GPHN: variants seen among roughly 807,000 people sequenced by gnomAD.
The protein encoded by GPHN is gephyrin.
Under a neutral mutation model 95.5 loss-of-function variants are expected in GPHN, and 17 were observed. That is an observed-to-expected ratio of 0.18 (90% CI 0.12 to 0.27). The LOEUF is 0.27. Among genes scored for constraint, GPHN ranks in the 10% least tolerant of loss-of-function variants. The probability of loss-of-function intolerance (pLI) is 1.00; values close to 1 mark genes in which losing one functional copy is unlikely to be tolerated. For missense variants in GPHN, 660 were observed against 978.1 expected, an observed-to-expected ratio of 0.67 and a Z score of 4.34; for synonymous variants, 320 against 322.5, an observed-to-expected ratio of 0.99 and a Z score of 0.08.
At chr14:67,139,427 A>C (rs2080317671) in intron 17 of GPHN, among the ~76,000 whole-genome samples, 1 of 152,126 alleles carries the variant, frequency 6.6e-6, no homozygotes, top group Non-Finnish European at 1.5e-5. Flanking sequence ...GATTCTGGAC[A>C]AGGGTCCGTT....
At chr14:67,732,733 C>T in the GPHN span, among the ~76,000 whole-genome samples, 3 of 152,040 alleles carry the variant, frequency 2.0e-5, no homozygotes, top group East Asian at 1.9e-4. Context: ...CCCACCACCA[C>T]ACCCGGCTAA....
intron 2 of GPHN, among the ~76,000 whole-genome samples, chr14:66,698,698 C>CA (rs1291930224): frequency 6.6e-6 from 1 of 152,140 alleles, no homozygotes; most frequent in East Asian, 1.9e-4. Flanking sequence ...ATATGTCACT[C>CA]AAAGCCAGAA....
At chr14:66,974,324 A>T (rs1350810244) in intron 9 of GPHN, among the ~76,000 whole-genome samples, 1 of 151,960 alleles carries the variant, frequency 6.6e-6, no homozygotes, top group African/African-American at 2.4e-5. Context: ...GGTATGTAGG[A>T]TTTTACCTCG....
chr14:67,397,128 G>A, the GPHN span, among the ~76,000 whole-genome samples: 2 of 152,054 alleles, frequency 1.3e-5, no homozygotes. Flanking sequence ...TAGTAGAGAT[G>A]GGGTTTCACC....
chr14:67,205,033 G>T, the GPHN span: 27 of 1,552,424 alleles, frequency 1.7e-5, no homozygotes, highest in African/African-American at 3.0e-4. Flanking sequence ...AAACTGCTCG[G>T]GAGTCACAGT....
intron 1 of GPHN, among the ~76,000 whole-genome samples, chr14:66,671,188 T>G (rs1287434096): frequency 6.6e-6 from 1 of 152,230 alleles, no homozygotes; most frequent in Non-Finnish European, 1.5e-5. Context: ...TGATTTAACT[T>G]GGCATATTAA....
chr14:67,225,139 C>T, the GPHN span: 2 of 1,583,936 alleles, frequency 1.3e-6, no homozygotes, highest in Non-Finnish European at 1.7e-6. Flanking sequence ...CATATCAAAT[C>T]TCCTTCTAAT....
chr14:66,693,536 A>G (rs570356523), intron 2 of GPHN, among the ~76,000 whole-genome samples: 2 of 150,372 alleles, frequency 1.3e-5, no homozygotes, highest in East Asian at 3.9e-4. Context: ...GCCATCTGTA[A>G]GCTGGAATTC....
the GPHN span, among the ~76,000 whole-genome samples, chr14:67,544,027 G>T: frequency 1.3e-5 from 2 of 152,110 alleles, no homozygotes; most frequent in Admixed American, 1.3e-4. Context: ...TAGAAATGAG[G>T]ACTGGCCAGC....
At chr14:66,706,491 A>G (rs2069090618) in intron 2 of GPHN, among the ~76,000 whole-genome samples, 1 of 152,038 alleles carries the variant, frequency 6.6e-6, no homozygotes, top group Non-Finnish European at 1.5e-5. Context: ...TAGAACAGAG[A>G]CCTCAGAAAT....
the GPHN span, among the ~76,000 whole-genome samples, chr14:67,430,251 A>C: frequency 6.6e-6 from 1 of 152,208 alleles, no homozygotes; most frequent in Non-Finnish European, 1.5e-5. Flanking sequence ...TGAACCCTGT[A>C]TACTCAGGTT....
chr14:67,100,151 C>G (rs958284785), intron 12 of GPHN, among the ~76,000 whole-genome samples: 2 of 152,096 alleles, frequency 1.3e-5, no homozygotes, highest in Non-Finnish European at 2.9e-5. Context: ...TATTCTAACT[C>G]ATAAATAGAA....
At chr14:66,718,995 G>A (rs890070804) in intron 2 of GPHN, among the ~76,000 whole-genome samples, 9 of 152,122 alleles carry the variant, frequency 5.9e-5, no homozygotes, top group Non-Finnish European at 7.4e-5. Flanking sequence ...GGGGAAAGCC[G>A]GCAGTCACAG....
chr14:67,655,127 C>T, the GPHN span, among the ~76,000 whole-genome samples: 2 of 151,166 alleles, frequency 1.3e-5, no homozygotes, highest in African/African-American at 2.4e-5. Flanking sequence ...ATTGCTTGAG[C>T]CCAGGAGTTC....
chr14:66,897,724 A>G (rs929478349), intron 5 of GPHN, among the ~76,000 whole-genome samples: 4 of 152,122 alleles, frequency 2.6e-5, no homozygotes, highest in African/African-American at 4.8e-5. Context: ...AGTTTGTTCA[A>G]CCATTTTCTG....
the GPHN span, among the ~76,000 whole-genome samples, chr14:67,317,942 A>G: frequency 6.6e-6 from 1 of 152,206 alleles, no homozygotes; most frequent in Non-Finnish European, 1.5e-5. Context: ...AAAAGCTCTG[A>G]TAATGTTGGG....
chr14:66,982,560 A>C (rs982239047), intron 9 of GPHN, among the ~76,000 whole-genome samples: 22 of 152,344 alleles, frequency 1.4e-4, no homozygotes, highest in Middle Eastern at 3.4e-3. Context: ...ACTGAATAGA[A>C]GATTGAAGTA....
intron 3 of GPHN, among the ~76,000 whole-genome samples, chr14:66,788,558 G>A (rs1432346849): frequency 6.6e-6 from 1 of 152,118 alleles, no homozygotes; most frequent in African/African-American, 2.4e-5. Flanking sequence ...TTTCACATTT[G>A]ACATTGCATC....
At chr14:67,432,835 T>G in the GPHN span, among the ~76,000 whole-genome samples, 2 of 151,966 alleles carry the variant, frequency 1.3e-5, no homozygotes, top group Non-Finnish European at 2.9e-5. Context: ...ATCTCTGTTT[T>G]GGTGGTCGCA....
Sources: allele counts gnomAD v4.1 joint callset (sites outside exome capture counted in the v4.1 genomes callset), GRCh38; gene constraint gnomAD v4.1.1; transcripts MANE v1.5; gene names NCBI Gene and HGNC (gene_info 2026-07-23, HGNC 2026-07-21).